FOXN1: variants seen among roughly 807,000 people sequenced by gnomAD.
FOXN1 encodes forkhead box N1, also known as forkhead box protein N1.
A neutral mutation model predicts 49.0 loss-of-function variants in FOXN1; 15 were observed. The observed-to-expected ratio is 0.31, with a 90% CI of 0.20 to 0.47. The LOEUF (loss-of-function observed/expected upper bound fraction) is 0.47. Ranked by LOEUF, FOXN1 falls within the 20% of genes least tolerant of loss-of-function variation. The pLI, the probability that FOXN1 is intolerant of heterozygous loss-of-function variation, is 1.00. For synonymous variants in FOXN1, 356 were observed against 369.0 expected (o/e 0.96, Z 0.40); for missense variants, 800 against 842.8 (o/e 0.95, Z 0.63).
chr17:28,523,845 A>C, intron 1 of FOXN1, 111 bp from the exon 2 acceptor site: 1 of 843,182 alleles, frequency 1.2e-6, no homozygotes. Context: ...CAGATGGCTG[A>C]CTGGAGGCAG....
chr17:28,538,589 G>A lies in FOXN1; in HGVS notation c.*1153G>A, dbSNP rs2070129773. Reference sequence around the variant, plus strand: ...ACTTCCAACTGTCTCAGGCAACCTGGGCATTCAGGAGAAAAGCCTGGCACA... The same window carrying A: ...ACTTCCAACTGTCTCAGGCAACCTGAGCATTCAGGAGAAAAGCCTGGCACA... On this transcript the variant is annotated 3_prime_UTR_variant, in exon 9 of 9. Transcript: ENST00000579795. The A allele has an allele frequency of 6.6e-6, 1 of 152,222 alleles. No homozygotes were observed. The highest frequency in any genetic ancestry group is 2.4e-5 in the African/African-American group (1 of 41,446). 9.4% of individuals were successfully genotyped at this position (152,222 alleles called of 1,614,324 possible).
At chr17:28,536,131 TG>T (rs1042031703) in intron 8 of FOXN1, among the ~76,000 whole-genome samples, 5 of 151,406 alleles carry the variant, frequency 3.3e-5, no homozygotes, top group African/African-American at 1.2e-4. Context: ...TGCACAGGGG[TG>T]GGGGACATTC....
intron 5 of FOXN1, among the ~76,000 whole-genome samples, chr17:28,530,211 A>T (rs975232088): frequency 7.9e-5 from 12 of 152,146 alleles, no homozygotes; most frequent in African/African-American, 2.9e-4. Context: ...AAGACTTTTA[A>T]GATTCAAAAG....
intron 1 of FOXN1, among the ~76,000 whole-genome samples, chr17:28,521,557 CCGTTACGGCCAGCT>C (rs1223026083): frequency 6.6e-6 from 1 of 152,254 alleles, no homozygotes; most frequent in African/African-American, 2.4e-5. Context: ...CTGTGGTGTC[CCGTTACGGCCAGCT>C]CGGCGCTTCC....
At chr17:28,528,150 G>A (rs1400847901) in intron 4 of FOXN1, among the ~76,000 whole-genome samples, 1 of 152,214 alleles carries the variant, frequency 6.6e-6, no homozygotes, top group Non-Finnish European at 1.5e-5. Context: ...GCCAAGCCAG[G>A]GAGGAAGGCA....
At chr17:28,512,772 G>T (rs938228233) in intron 1 of FOXN1, among the ~76,000 whole-genome samples, 1 of 152,234 alleles carries the variant, frequency 6.6e-6, no homozygotes, top group Admixed American at 6.5e-5. Flanking sequence ...CAGCCTCAGA[G>T]CCTGGACTCC....
chr17:28,512,991 G>A lies in FOXN1; in HGVS notation c.-15+6548G>A, dbSNP rs1250484987. 2.6e-5 allele frequency among the ~76,000 whole-genome samples: 4 copies of A among 152,210 alleles called. No individual in the cohort carries two copies. The East Asian group carries it at 7.7e-4, about 29-fold the overall frequency. ...AGTAGGTATGTCTCAGAAAGGAATGGATGGAAGCTTTGAGGGGTAGCATTT... is the reference window on the plus strand; with the variant it reads ...AGTAGGTATGTCTCAGAAAGGAATGAATGGAAGCTTTGAGGGGTAGCATTT... On this transcript the variant is annotated intron_variant, in intron 1 of 8. Transcript: ENST00000579795.
intron 4 of FOXN1, 102 bp from the exon 5 acceptor site, chr17:28,528,992 C>G: frequency 6.7e-7 from 1 of 1,494,128 alleles, no homozygotes; most frequent in South Asian, 1.1e-5. Context: ...AGGGAAGAAT[C>G]TGGCCTGAGC....
chr17:28,535,208 G>C lies in FOXN1; in HGVS notation c.1627+10G>C, dbSNP rs1396271454. 6.2e-7 allele frequency: 1 copy of C among 1,611,836 alleles called. No homozygotes were observed. Among genetic ancestry groups the C allele is most frequent in the Non-Finnish European group, 8.5e-7 (1 of 1,179,870 alleles). ...GACTTCGACTTCCAGGGTGAGCTGG[G>C]GGTGGGAAAGGGAAGGTGGGACAGG... On this transcript the variant is annotated intron_variant, in intron 8 of 8. Coordinates refer to ENST00000579795, the MANE Select transcript of FOXN1 (RefSeq NM_001369369.1).
In FOXN1 at chr17:28,538,439, C is replaced by T. The variant is rs1383896299; in HGVS notation, c.*1003C>T. 4.6e-5 allele frequency: 7 copies of T among 152,192 alleles called. No individual in the cohort carries two copies. The highest frequency in any genetic ancestry group is 1.7e-4 in the African/African-American group (7 of 41,426). The allele number at this position is 152,192 out of a possible 1,614,324, so 9.4% of individuals were successfully genotyped here. The stretch of plus-strand genomic sequence containing the variant: ...CCTCGACTTAGGATGCGGTTATGTC[C>T]GATAAACCCATTGTAAATTGAAACC... On this transcript the variant is annotated 3_prime_UTR_variant, in exon 9 of 9. Transcript: ENST00000579795.
chr17:28,515,968 A>G (rs552897076), intron 1 of FOXN1, among the ~76,000 whole-genome samples: 40 of 151,788 alleles, frequency 2.6e-4, no homozygotes, highest in African/African-American at 9.7e-4. Context: ...CCCCTCCACA[A>G]GTATACACAT....
chr17:28,530,733 C>T lies in FOXN1; in HGVS notation c.831-16C>T, dbSNP rs1239537237. 6.6e-7 allele frequency: 1 copy of T among 1,510,032 alleles called. No homozygotes were observed. The highest frequency in any genetic ancestry group is 9.2e-7 in the Non-Finnish European group (1 of 1,085,090). The allele number at this position is 1,510,032 out of a possible 1,614,324, so 93.5% of individuals were successfully genotyped here. On this transcript the variant is annotated splice_polypyrimidine_tract_variant and intron_variant, in intron 5 of 8. Coordinates refer to ENST00000579795, the MANE Select transcript of FOXN1 (RefSeq NM_001369369.1). ...AGTCAGAGGTTCGGACTCTCAGGGGCTTTCTCTTTCTTCAGCATCCTCATC... is the reference window on the plus strand; with the variant it reads ...AGTCAGAGGTTCGGACTCTCAGGGGTTTTCTCTTTCTTCAGCATCCTCATC...
intron 1 of FOXN1, among the ~76,000 whole-genome samples, chr17:28,515,055 G>A (rs964114641): frequency 2.0e-5 from 3 of 152,110 alleles, no homozygotes; most frequent in Non-Finnish European, 4.4e-5. Context: ...CTGAGTCTCA[G>A]TTTCCTCATC....
rs553895612 is a variant in FOXN1, at chr17:28,534,631, G to A, written c.1136-76G>A. On this transcript the variant is annotated intron_variant, in intron 7 of 8. Coordinates refer to ENST00000579795, the MANE Select transcript of FOXN1 (RefSeq NM_001369369.1). This position sits in a 1 kb window ranked among gnomAD's most constrained non-coding sequence, Gnocchi z 4.1. Reference sequence around the variant, plus strand: ...GAATCAGAGAATGAGGCAAGGCCCCGAGTAAGGGTTCCAGTCTGGGGAAGA... The same window carrying A: ...GAATCAGAGAATGAGGCAAGGCCCCAAGTAAGGGTTCCAGTCTGGGGAAGA... The A allele has an allele frequency of 2.2e-5, 36 of 1,604,672 alleles. No homozygotes were observed. Among genetic ancestry groups the A allele is most frequent in the African/African-American group, 6.7e-5 (5 of 74,386 alleles).
intron 4 of FOXN1, 68 bp from the exon 5 acceptor site, chr17:28,529,026 G>A (rs2069841320): frequency 6.3e-7 from 1 of 1,596,212 alleles, no homozygotes; most frequent in Non-Finnish European, 8.6e-7. Flanking sequence ...GTATATAAAT[G>A]GGGAGGAGGG....
Position 28,538,609 on chromosome 17 carries a change from G to T in FOXN1, c.*1173G>T, listed in dbSNP as rs2043356927. 6.6e-6 allele frequency: 1 copy of T among 152,186 alleles called. No homozygotes were observed. Among genetic ancestry groups the T allele is most frequent in the South Asian group, 2.1e-4 (1 of 4,826 alleles). The allele number at this position is 152,186 out of a possible 1,614,324, so 9.4% of individuals were successfully genotyped here. A position where few individuals can be genotyped will look rare whatever the true frequency, so the allele number is the denominator to read the frequency against. ...ACCTGGGCATTCAGGAGAAAAGCCT[G>T]GCACAGGGTGACAGGGAAGCACCCA... is the stretch of plus-strand genomic sequence containing the variant. On this transcript the variant is annotated 3_prime_UTR_variant, in exon 9 of 9. Coordinates refer to ENST00000579795, the MANE Select transcript of FOXN1 (RefSeq NM_001369369.1).
Position 28,524,741 on chromosome 17 carries a change from C to T in FOXN1, c.362C>T (p.Ala121Val), listed in dbSNP as rs557541901. ...GGGCGATTCCTCAAGGGCAGCCACGCGCCCTTCCACCCGTACAAGCGGCCT... is the reference window on the plus strand; with the variant it reads ...GGGCGATTCCTCAAGGGCAGCCACGTGCCCTTCCACCCGTACAAGCGGCCT... ...SPGRFLKGSHAPFHPYKRPFH... is the reference protein window; with the variant it reads ...SPGRFLKGSHVPFHPYKRPFH... Residue 121 changes from alanine (A) to valine (V), a missense_variant, in exon 3 of 9, where the codon GCG becomes GTG. Physicochemically the swap from Ala to Val is moderately conservative, Grantham distance 64 (BLOSUM62 0). Transcript: ENST00000579795. 296 of 1,612,892 alleles carry T rather than the reference C, an allele frequency of 1.8e-4. 2 individuals are homozygous for T. The South Asian group carries it at 3.0e-3, about 16-fold the overall frequency.
In FOXN1 at chr17:28,537,275, G is replaced by A. The variant is rs1473319503; in HGVS notation, c.1786G>A (p.Asp596Asn). Residue 596 changes from aspartate to asparagine, a missense_variant, in exon 9 of 9, where the codon GAC becomes AAC. Asp to Asn is a conservative substitution (Grantham distance 23). Around this residue, in one of 3 missense-constraint regions of FOXN1, gnomAD observed 344 missense variants for 366.1 expected, o/e 0.94. Transcript: ENST00000579795. ...GACAGAGACAGGCAGTGGGGCAGGT[G>A]ACTTGGCAGCCCCGGGCAGTGGTGG... ...CLTETGSGAG[D>N]LAAPGSGGSG... 1 of 1,614,056 alleles carries A rather than the reference G, an allele frequency of 6.2e-7. No homozygotes were observed.
chr17:28,509,852 G>A (rs2069351670), intron 1 of FOXN1, among the ~76,000 whole-genome samples: 1 of 152,218 alleles, frequency 6.6e-6, no homozygotes, highest in South Asian at 2.1e-4. Flanking sequence ...GGCCAAGGAA[G>A]AGGGGGCATG....
Sources: allele counts gnomAD v4.1 joint callset (sites outside exome capture counted in the v4.1 genomes callset), GRCh38; gene constraint gnomAD v4.1.1; regional missense constraint gnomAD v4.1.1; non-coding constraint Gnocchi (gnomAD v3.1); transcripts MANE v1.5; gene names NCBI Gene and HGNC (gene_info 2026-07-23, HGNC 2026-07-21).